ANKRD6: variants seen among roughly 807,000 people sequenced by gnomAD.
The protein encoded by ANKRD6 is ankyrin repeat domain-containing protein 6.
In ANKRD6, 56 loss-of-function variants were observed where a neutral mutation model predicts 82.3. The observed-to-expected ratio is 0.68, with a 90% CI of 0.55 to 0.85. The LOEUF (loss-of-function observed/expected upper bound fraction) is 0.85. Ranked by LOEUF, ANKRD6 falls within the 40% of genes least tolerant of loss-of-function variation. The probability of loss-of-function intolerance (pLI) is 0.00; values close to 1 mark genes in which losing one functional copy is unlikely to be tolerated. For missense variants in ANKRD6, 852 were observed against 907.6 expected (o/e 0.94, Z 0.79); for synonymous variants, 347 against 352.1 (o/e 0.99, Z 0.16).
chr6:89,524,000 C>T (rs930654606), intron 1 of ANKRD6, among the ~76,000 whole-genome samples: 1 of 152,038 alleles, frequency 6.6e-6, no homozygotes, highest in Non-Finnish European at 1.5e-5. Context: ...TGAATGATGT[C>T]AGTTCTTATA....
intron 1 of ANKRD6, among the ~76,000 whole-genome samples, chr6:89,465,426 A>AT (rs368915181): frequency 2.6e-4 from 39 of 148,820 alleles, no homozygotes; most frequent in East Asian, 1.4e-3. Context: ...AGGCCTAATT[A>AT]TTTTTTTTTT....
intron 2 of ANKRD6, among the ~76,000 whole-genome samples, chr6:89,567,599 G>C (rs1295426309): frequency 6.6e-6 from 1 of 152,154 alleles, no homozygotes; most frequent in Non-Finnish European, 1.5e-5. Context: ...CTTACCCTGC[G>C]CCAACAGAGA....
rs190340879 is a variant in ANKRD6, at chr6:89,517,449, C to T, written c.-143-49385C>T. Among the ~76,000 whole-genome samples the T allele has an allele frequency of 1.1e-3, 168 of 152,312 alleles. 1 individual carries two copies. The highest frequency in any genetic ancestry group is 3.8e-3 in the African/African-American group (159 of 41,576). ...GCCTCTTTTATTGGAATAATAGACT[C>T]AAGAAACTCATTTGATGTTTTTCTG... On this transcript the variant is annotated intron_variant, in intron 1 of 15. Coordinates refer to ENST00000339746, the MANE Select transcript of ANKRD6 (RefSeq NM_001242809.2).
intron 1 of ANKRD6, among the ~76,000 whole-genome samples, chr6:89,518,002 AGCAGGT>A (rs1435315955): frequency 1.3e-5 from 2 of 152,248 alleles, no homozygotes; most frequent in Non-Finnish European, 2.9e-5. Flanking sequence ...CTTACCTTGT[AGCAGGT>A]GCTATGCCAG....
At chr6:89,443,747 T>G (rs1771717369) in intron 1 of ANKRD6, among the ~76,000 whole-genome samples, 1 of 152,246 alleles carries the variant, frequency 6.6e-6, no homozygotes, top group Non-Finnish European at 1.5e-5. Context: ...TAAAAATTGT[T>G]TCGTAGCTCT....
chr6:89,496,186 C>G (rs992427881), intron 1 of ANKRD6, among the ~76,000 whole-genome samples: 2 of 151,726 alleles, frequency 1.3e-5, no homozygotes, highest in Admixed American at 6.6e-5. Context: ...GCCCCCCCCC[C>G]CACCATAATT....
intron 1 of ANKRD6, among the ~76,000 whole-genome samples, chr6:89,478,882 G>A (rs1297644091): frequency 6.6e-6 from 1 of 152,022 alleles, no homozygotes; most frequent in Non-Finnish European, 1.5e-5. Context: ...AAGCTAAGAA[G>A]AGGGGCCTGA....
chr6:89,526,789 T>A lies in ANKRD6; in HGVS notation c.-143-40045T>A, dbSNP rs144042266. Among the ~76,000 whole-genome samples the A allele has an allele frequency of 7.2e-5, 11 of 152,266 alleles. No individual in the cohort carries two copies. The East Asian group carries it at 2.1e-3, about 29-fold the overall frequency. ...GAAGGCCTGAGGGGCAGGGAGCCTA[T>A]GGCGTAGGCTCCAATCCAAGTCTGA... is the stretch of plus-strand genomic sequence containing the variant. On this transcript the variant is annotated intron_variant, in intron 1 of 15. Transcript: ENST00000339746.
intron 1 of ANKRD6, among the ~76,000 whole-genome samples, chr6:89,458,673 G>T (rs917327953): frequency 3.3e-5 from 5 of 152,176 alleles, no homozygotes; most frequent in Non-Finnish European, 7.4e-5. Flanking sequence ...TAGCTGAGCT[G>T]GCAGCTAATT....
chr6:89,567,131 G>T, intron 2 of ANKRD6, 35 bp downstream of exon 2: 2 of 1,557,682 alleles, frequency 1.3e-6, no homozygotes, highest in East Asian at 2.4e-5. Context: ...GCCATTCCCT[G>T]GGAACTGGCC....
intron 1 of ANKRD6, among the ~76,000 whole-genome samples, chr6:89,461,726 G>A (rs1479613209): frequency 6.6e-6 from 1 of 151,980 alleles, no homozygotes; most frequent in Non-Finnish European, 1.5e-5. Flanking sequence ...AACTTCATAC[G>A]GCTGCAGAAA....
At chr6:89,526,623 G>C (rs1281027515) in intron 1 of ANKRD6, among the ~76,000 whole-genome samples, 1 of 152,176 alleles carries the variant, frequency 6.6e-6, no homozygotes, top group Non-Finnish European at 1.5e-5. Context: ...ATTAGTCAGG[G>C]TTCTCCGAGA....
chr6:89,459,204 G>A (rs1281730621), intron 1 of ANKRD6, among the ~76,000 whole-genome samples: 1 of 152,036 alleles, frequency 6.6e-6, no homozygotes, highest in Non-Finnish European at 1.5e-5. Context: ...TCAGCCTCCC[G>A]AGTAGCTGGG....
At chr6:89,595,709 G>A (rs1474347548) in intron 2 of ANKRD6, among the ~76,000 whole-genome samples, 1 of 152,170 alleles carries the variant, frequency 6.6e-6, no homozygotes, top group Non-Finnish European at 1.5e-5. Flanking sequence ...AACATATCGT[G>A]TTCATTGATT....
chr6:89,518,342 C>T (rs1293860867), intron 1 of ANKRD6, among the ~76,000 whole-genome samples: 1 of 150,560 alleles, frequency 6.6e-6, no homozygotes, highest in Non-Finnish European at 1.5e-5. Context: ...TTAGAGGTGG[C>T]GGTGAGCCGA....
chr6:89,494,557 A>G (rs1313768324), intron 1 of ANKRD6, among the ~76,000 whole-genome samples: 4 of 152,202 alleles, frequency 2.6e-5, no homozygotes, highest in Non-Finnish European at 5.9e-5. Context: ...ATTAATAGGA[A>G]CCTGGTTTTC....
chr6:89,513,349 A>G (rs1035259344), intron 1 of ANKRD6, among the ~76,000 whole-genome samples: 1 of 152,218 alleles, frequency 6.6e-6, no homozygotes, highest in Admixed American at 6.5e-5. Flanking sequence ...GAATACTGCC[A>G]AATTTCCAGT....
intron 1 of ANKRD6, among the ~76,000 whole-genome samples, chr6:89,561,707 G>T (rs749724659): frequency 2.2e-4 from 33 of 152,276 alleles, no homozygotes; most frequent in Non-Finnish European, 4.3e-4. Context: ...TTGTCCCCCA[G>T]TGGTGATCAC....
intron 2 of ANKRD6, among the ~76,000 whole-genome samples, chr6:89,591,601 C>CTGGGGGCATTCCTATGTGCTGGA (rs1794926458): frequency 6.6e-6 from 1 of 152,190 alleles, no homozygotes; most frequent in African/African-American, 2.4e-5. Context: ...TCGGACATGC[C>CTGGGGGCATTCCTATGTGCTGGA]TGGGGGCATT....
Sources: gnomAD v4.1 joint callset for allele counts (sites outside exome capture counted in the v4.1 genomes callset) on GRCh38, gnomAD v4.1.1 for gene constraint, MANE v1.5 for transcripts, NCBI Gene and HGNC (gene_info 2026-07-23, HGNC 2026-07-21) for gene names.